Variants in LIMS2 observed in about 807,000 individuals in gnomAD.
The protein encoded by LIMS2 is LIM and senescent cell antigen-like-containing domain protein 2.
In LIMS2, 30 loss-of-function variants were observed where a neutral mutation model predicts 45.3. That is an observed-to-expected ratio of 0.66 (90% confidence interval 0.50 to 0.90). LIMS2 has a LOEUF of 0.90. Among genes scored for constraint, LIMS2 ranks in the 40% least tolerant of loss-of-function variants. LIMS2 has a pLI of 0.00. For missense variants in LIMS2, 485 were observed against 468.7 expected (o/e 1.03, Z -0.32); for synonymous variants, 173 against 188.0 (o/e 0.92, Z 0.65).
chr2:127,665,662 C>G (rs890862301), intron 1 of LIMS2, among the ~76,000 whole-genome samples: 3 of 152,156 alleles, frequency 2.0e-5, no homozygotes, highest in Non-Finnish European at 2.9e-5. Flanking sequence ...TGTAGGTAGC[C>G]GAATGCTTAA....
intron 4 of LIMS2, chr2:127,643,970 G>A: frequency 2.2e-6 from 1 of 445,502 alleles, no homozygotes; most frequent in Non-Finnish European, 4.5e-6. Flanking sequence ...GGATACGGAA[G>A]AGATCCAATC....
intron 4 of LIMS2, chr2:127,650,946 A>T: frequency 6.2e-7 from 1 of 1,613,876 alleles, no homozygotes; most frequent in Non-Finnish European, 8.5e-7. Flanking sequence ...CGTGTTCCTG[A>T]TGCATCTGGC....
rs1683742543 is a variant in LIMS2 at position 127,651,226 on chromosome 2, C to A, written c.359+3198G>T. ...TGGGTGGTGGTGGCTGTGGCCATGG[C>A]CCCGCTGCTGGTGAGCCCACAGACC... On this transcript the variant is annotated intron_variant, in intron 4 of 9. Coordinates refer to ENST00000355119, the MANE Select transcript of LIMS2 (RefSeq NM_001161403.3). The A allele has an allele frequency of 1.2e-6, 2 of 1,607,944 alleles. No homozygotes were observed. Among genetic ancestry groups the A allele is most frequent in the Admixed American group, 1.7e-5 (1 of 59,948 alleles).
At chr2:127,645,531 G>A (rs779301953) in intron 4 of LIMS2, among the ~76,000 whole-genome samples, 3 of 152,214 alleles carry the variant, frequency 2.0e-5, no homozygotes, top group African/African-American at 7.2e-5. Flanking sequence ...GAGCTGCACC[G>A]GCGAGCACCC....
In LIMS2 at chr2:127,638,602, G is replaced by C. The variant is rs1682078060; in HGVS notation, c.*679C>G. On this transcript the variant is annotated 3_prime_UTR_variant, in exon 10 of 10. Coordinates refer to ENST00000355119, the MANE Select transcript of LIMS2 (RefSeq NM_001161403.3). ...CCAAGGGCTCGACACAAGCCCCAAG[G>C]TCGGGGGGAGAGGGGCGGGGCGGAA... 1 of 152,826 alleles carries C rather than the reference G, an allele frequency of 6.5e-6. No individual in the cohort carries two copies. The highest frequency in any genetic ancestry group is 2.4e-5 in the African/African-American group (1 of 41,466). 9.5% of individuals were successfully genotyped at this position (152,826 alleles called of 1,614,324 possible). A position where few individuals can be genotyped will look rare whatever the true frequency, so the allele number is the denominator to read the frequency against.
intron 1 of LIMS2, chr2:127,674,322 G>A (rs964861918): frequency 2.6e-5 from 4 of 153,346 alleles, no homozygotes; most frequent in African/African-American, 4.8e-5. Context: ...ACCCAGCTAG[G>A]TTCCAGAAAG....
chr2:127,656,391 A>G (rs1324487484), intron 2 of LIMS2, among the ~76,000 whole-genome samples: 1 of 147,422 alleles, frequency 6.8e-6, no homozygotes, highest in Non-Finnish European at 1.5e-5. Flanking sequence ...CACAGCGGCC[A>G]CAAGCCTCCT....
chr2:127,656,090 T>C (rs1239030911), intron 2 of LIMS2: 1 of 152,252 alleles, frequency 6.6e-6, no homozygotes, highest in Non-Finnish European at 1.5e-5. Context: ...CCCATCAGCA[T>C]AGACGATAGT....
rs1684355498 is a variant in LIMS2 at position 127,657,655 on chromosome 2, A to G, written c.12-93T>C. ...CCTGCGCCCGACAGACACACCTCGT[A>G]TTAAAAAGTGAAGACGCTCTGCAGG... On this transcript the variant is annotated intron_variant, in intron 1 of 9. Transcript: ENST00000355119. 3.8e-6 allele frequency: 5 copies of G among 1,333,330 alleles called. No individual in the cohort carries two copies. In the South Asian group the frequency reaches 7.0e-5, roughly 19 times the overall value. 82.6% of individuals were successfully genotyped at this position (1,333,330 alleles called of 1,614,324 possible). A position where few individuals can be genotyped will look rare whatever the true frequency, so the allele number is the denominator to read the frequency against.
intron 6 of LIMS2, 94 bp downstream of exon 6, chr2:127,641,955 G>A (rs1682454916): frequency 7.1e-7 from 1 of 1,418,276 alleles, no homozygotes; most frequent in African/African-American, 1.4e-5. Flanking sequence ...ACCCGCCCTG[G>A]GCTGGGAGTG....
At chr2:127,666,700 G>A (rs1223192428) in intron 1 of LIMS2, among the ~76,000 whole-genome samples, 1 of 150,912 alleles carries the variant, frequency 6.6e-6, no homozygotes, top group Non-Finnish European at 1.5e-5. Flanking sequence ...AGGTTTAATC[G>A]ACTCACAGTT....
intron 3 of LIMS2, 118 bp from the exon 4 acceptor site, chr2:127,654,662 C>T (rs1684125982): frequency 3.9e-6 from 6 of 1,537,144 alleles, no homozygotes; most frequent in South Asian, 2.4e-5. Flanking sequence ...TGGGCTCCCT[C>T]GTGGGATGGT....
rs975593694 is a variant in LIMS2, at chr2:127,664,284, C to T, written c.12-6722G>A. 1 of 1,233,738 alleles carries T rather than the reference C, an allele frequency of 8.1e-7. No homozygotes were observed. Among genetic ancestry groups the T allele is most frequent in the Non-Finnish European group, 1.0e-6 (1 of 989,210 alleles). The allele number at this position is 1,233,738 out of a possible 1,614,324, so 76.4% of individuals were successfully genotyped here. A position where few individuals can be genotyped will look rare whatever the true frequency, so the allele number is the denominator to read the frequency against. ...CTTTCCGGCCATTGTCCCCGCCACC[C>T]GCCCCGCCCCTGGCCACCTACCCCG... On this transcript the variant is annotated intron_variant, in intron 1 of 9. Transcript: ENST00000355119. This position sits in a 1 kb window ranked among gnomAD's most constrained non-coding sequence, Gnocchi z 5.5.
At chr2:127,678,350 T>G (rs1190531529), upstream of LIMS2, among the ~76,000 whole-genome samples, 1 of 152,176 alleles carries the variant, frequency 6.6e-6, no homozygotes, top group African/African-American at 2.4e-5. This position sits in a 1 kb window ranked among gnomAD's most constrained non-coding sequence, Gnocchi z 5.3. Flanking sequence ...AACGTGAGTC[T>G]ACGACGATAT....
At chr2:127,650,704 T>C in intron 4 of LIMS2, 1 of 1,584,464 alleles carries the variant, frequency 6.3e-7, no homozygotes, top group Non-Finnish European at 8.6e-7. Context: ...ACTGTTTGCT[T>C]GTTCCCTCCA....
chr2:127,658,483 T>C (rs1271797785), intron 1 of LIMS2, among the ~76,000 whole-genome samples: 1 of 152,228 alleles, frequency 6.6e-6, no homozygotes, highest in African/African-American at 2.4e-5. Flanking sequence ...GGGCACTGCC[T>C]GTCCCCAGAG....
rs1277855037 is a variant in LIMS2, at chr2:127,642,343, G to C, written c.510-144C>G. ...AGGCGGCAGCGCCTTCTGATCTCTG[G>C]GCACTTTGAAGACTTCCTGTGCCCC... On this transcript the variant is annotated intron_variant, in intron 5 of 9. Coordinates refer to ENST00000355119, the MANE Select transcript of LIMS2 (RefSeq NM_001161403.3). The surrounding 1 kb of genome is among the most constrained non-coding windows in gnomAD (Gnocchi z 5.3). 1.0e-6 allele frequency: 1 copy of C among 978,196 alleles called. No individual in the cohort carries two copies. The highest frequency in any genetic ancestry group is 2.8e-5 in the East Asian group (1 of 35,690). The allele number at this position is 978,196 out of a possible 1,614,324, so 60.6% of individuals were successfully genotyped here. A position where few individuals can be genotyped will look rare whatever the true frequency, so the allele number is the denominator to read the frequency against.
At position 127,639,348 on chromosome 2, in the gene LIMS2, A is replaced by G; in HGVS notation, c.959T>C (p.Leu320Pro). The G allele has an allele frequency of 6.2e-7, 1 of 1,613,954 alleles. No homozygotes were observed. Among genetic ancestry groups the G allele is most frequent in the Non-Finnish European group, 8.5e-7 (1 of 1,179,934 alleles). Reference protein sequence around the residue: ...EKFPLELKKRLKKLSELTSRK... With the variant: ...EKFPLELKKRPKKLSELTSRK... ...GGAGGTCAGCTCCGACAGCTTCTTC[A>G]GCCGCTTCTTCAGCTCCAGCGGGAA... Residue 320 changes from leucine (L) to proline (P), a missense_variant, in exon 10 of 10, where the codon CTG (leucine) becomes CCG (proline). Coordinates refer to ENST00000355119, the MANE Select transcript of LIMS2 (RefSeq NM_001161403.3).
At chr2:127,639,893 T>C (rs1427387829) in intron 9 of LIMS2, among the ~76,000 whole-genome samples, 177 bp downstream of exon 9, 9 of 152,108 alleles carry the variant, frequency 5.9e-5, no homozygotes, top group South Asian at 4.2e-4. Flanking sequence ...GGTCCCTGGA[T>C]CCCCTAGACC....
Sources: allele counts gnomAD v4.1 joint callset (sites outside exome capture counted in the v4.1 genomes callset), GRCh38; gene constraint gnomAD v4.1.1; non-coding constraint Gnocchi (gnomAD v3.1); transcripts MANE v1.5; gene names NCBI Gene and HGNC (gene_info 2026-07-23, HGNC 2026-07-21).